The following QTMAN variants were observed in gnomAD, a reference collection of about 807,000 sequenced individuals.
QTMAN encodes the protein tRNA-queuosine alpha-mannosyltransferase.
At chr2:144,042,342 C>T in the QTMAN span, among the ~76,000 whole-genome samples, 2 of 152,078 alleles carry the variant, frequency 1.3e-5, no homozygotes, top group Admixed American at 6.6e-5. Flanking sequence ...GAGCTTGAAC[C>T]TGGAAGAACA....
chr2:143,940,911 T>G, the QTMAN span: 3 of 152,264 alleles, frequency 2.0e-5, no homozygotes, highest in African/African-American at 7.2e-5. Context: ...TTCTTCCGCA[T>G]TCCTCTCCTT....
the QTMAN span, among the ~76,000 whole-genome samples, chr2:144,160,789 GCT>G: frequency 2.0e-5 from 3 of 152,056 alleles, no homozygotes; most frequent in Non-Finnish European, 4.4e-5. Flanking sequence ...AGAGGAAATA[GCT>G]CTCAGACTAA....
At chr2:144,241,198 C>A in the QTMAN span, among the ~76,000 whole-genome samples, 1 of 152,158 alleles carries the variant, frequency 6.6e-6, no homozygotes, top group Admixed American at 6.5e-5. Context: ...TCACCCCAGA[C>A]CTAGTGAACC....
the QTMAN span, among the ~76,000 whole-genome samples, chr2:144,048,906 T>C: frequency 2.0e-5 from 3 of 152,234 alleles, no homozygotes; most frequent in African/African-American, 4.8e-5. Context: ...ATAGTTAAAG[T>C]GATGAGGTAG....
the QTMAN span, among the ~76,000 whole-genome samples, chr2:144,217,668 A>T: frequency 6.6e-6 from 1 of 152,140 alleles, no homozygotes; most frequent in African/African-American, 2.4e-5. Flanking sequence ...CTGAAGATAT[A>T]ACCCTTATTC....
At chr2:144,050,319 A>G in the QTMAN span, among the ~76,000 whole-genome samples, 1 of 151,650 alleles carries the variant, frequency 6.6e-6, no homozygotes, top group African/African-American at 2.4e-5. Flanking sequence ...GGAACGGTGA[A>G]AAAAAAAACA....
the QTMAN span, among the ~76,000 whole-genome samples, chr2:144,252,805 T>C: frequency 6.6e-6 from 1 of 152,240 alleles, no homozygotes; most frequent in Non-Finnish European, 1.5e-5. Flanking sequence ...CAAATGTTTA[T>C]ATCAGTTTTA....
chr2:144,068,577 A>G, the QTMAN span, among the ~76,000 whole-genome samples: 1 of 152,204 alleles, frequency 6.6e-6, no homozygotes, highest in Non-Finnish European at 1.5e-5. Flanking sequence ...AAATGTGGTA[A>G]ATCAAGGTGG....
chr2:144,007,224 T>A, the QTMAN span: 1 of 1,609,712 alleles, frequency 6.2e-7, no homozygotes, highest in East Asian at 2.2e-5. Flanking sequence ...TTGCTGATTA[T>A]CAACTCCACC....
chr2:144,278,366 G>A, the QTMAN span, among the ~76,000 whole-genome samples: 2 of 152,066 alleles, frequency 1.3e-5, no homozygotes, highest in Non-Finnish European at 2.9e-5. Context: ...AAGAGTGGAA[G>A]AATACTCAAC....
the QTMAN span, among the ~76,000 whole-genome samples, chr2:144,306,681 C>G: frequency 1.3e-5 from 2 of 152,082 alleles, no homozygotes; most frequent in African/African-American, 4.8e-5. Flanking sequence ...GCTAATAGGT[C>G]TCATAAACAC....
At chr2:144,250,977 A>G in the QTMAN span, among the ~76,000 whole-genome samples, 2 of 152,154 alleles carry the variant, frequency 1.3e-5, no homozygotes, top group Non-Finnish European at 2.9e-5. Flanking sequence ...AGTTTTAAAA[A>G]TGTAAAATTT....
At chr2:144,302,734 T>C in the QTMAN span, among the ~76,000 whole-genome samples, 20,224 of 151,854 alleles carry the variant, frequency 0.13, 2,354 homozygotes, top group African/African-American at 0.32. Context: ...TAGTAAGGAG[T>C]ATTTGACAAA....
chr2:144,141,937 T>C, the QTMAN span: 1 of 1,611,666 alleles, frequency 6.2e-7, no homozygotes, highest in Non-Finnish European at 8.5e-7. Flanking sequence ...TTGGGTCTGA[T>C]GATGCTTTCC....
the QTMAN span, among the ~76,000 whole-genome samples, chr2:144,224,307 G>A: frequency 1.1e-4 from 17 of 152,112 alleles, no homozygotes; most frequent in Non-Finnish European, 1.2e-4. Context: ...AAACCTGTAC[G>A]TGAATGTTTT....
At chr2:144,102,999 A>G in the QTMAN span, among the ~76,000 whole-genome samples, 4 of 152,128 alleles carry the variant, frequency 2.6e-5, no homozygotes, top group Non-Finnish European at 5.9e-5. Context: ...AACTTTCACT[A>G]TCACCTGAGA....
chr2:144,065,312 T>C, the QTMAN span, among the ~76,000 whole-genome samples: 2 of 151,958 alleles, frequency 1.3e-5, no homozygotes, highest in African/African-American at 4.8e-5. Context: ...TACACTGGAG[T>C]ATCTTCTGTC....
chr2:144,158,372 T>A, the QTMAN span, among the ~76,000 whole-genome samples: 2 of 151,920 alleles, frequency 1.3e-5, no homozygotes, highest in African/African-American at 2.4e-5. Flanking sequence ...GAAGATAGAA[T>A]AAATAATTCA....
the QTMAN span, among the ~76,000 whole-genome samples, chr2:144,074,076 G>A: frequency 6.6e-6 from 1 of 152,154 alleles, no homozygotes. Context: ...GCTCCTATTT[G>A]ATTTGTTGAA....
Sources: gnomAD v4.1 joint callset for allele counts (sites outside exome capture counted in the v4.1 genomes callset) on GRCh38, gnomAD v4.1.1 for gene constraint, MANE v1.5 for transcripts, NCBI Gene and HGNC (gene_info 2026-07-23, HGNC 2026-07-21) for gene names.